GRM8: variants seen among roughly 807,000 people sequenced by gnomAD.
GRM8 encodes the protein glutamate metabotropic receptor 8.
A neutral mutation model predicts 87.2 loss-of-function variants in GRM8; 47 were observed. That is an observed-to-expected ratio of 0.54 (90% CI 0.43 to 0.69). GRM8 has a LOEUF of 0.69. Ranked by LOEUF, GRM8 falls within the 30% of genes least tolerant of loss-of-function variation. The pLI, the probability that GRM8 is intolerant of heterozygous loss-of-function variation, is 0.00. For missense variants in GRM8, 1,019 were observed against 1,139.2 expected (o/e 0.89, Z 1.52); for synonymous variants, 396 against 404.5 (o/e 0.98, Z 0.25).
intron 7 of GRM8, among the ~76,000 whole-genome samples, chr7:126,620,537 G>T (rs1447456791): frequency 6.6e-6 from 1 of 151,706 alleles, no homozygotes; most frequent in Non-Finnish European, 1.5e-5. Flanking sequence ...TGGCTCTTTT[G>T]AATATTGCGC....
chr7:126,545,019 AC>A (rs1265795442), intron 8 of GRM8, among the ~76,000 whole-genome samples: 1 of 152,208 alleles, frequency 6.6e-6, no homozygotes, highest in Non-Finnish European at 1.5e-5. Context: ...TTATCGTCCG[AC>A]AATCTCAGCT....
intron 6 of GRM8, among the ~76,000 whole-genome samples, chr7:126,894,350 T>C (rs542335027): frequency 6.6e-6 from 1 of 152,064 alleles, no homozygotes; most frequent in Non-Finnish European, 1.5e-5. Context: ...TTTCCATTTG[T>C]GAGTTCTTCA....
intron 3 of GRM8, among the ~76,000 whole-genome samples, chr7:127,022,922 CAT>C (rs979977804): frequency 5.9e-5 from 9 of 152,026 alleles, no homozygotes; most frequent in African/African-American, 1.9e-4. Context: ...ATTATGAGAA[CAT>C]GTTTTTAAAT....
Position 126,769,965 on chromosome 7 carries a change from C to T in GRM8, c.1257G>A (p.Met419Ile). Reference sequence around the variant, plus strand: ...TGTATCCAGGGCAGAGATCTTTGTGCATATTGTGCAGGGCGTAAGCCATGG... The same window carrying T: ...TGTATCCAGGGCAGAGATCTTTGTGTATATTGTGCAGGGCGTAAGCCATGG... ...VYSMAYALHN[M>I]HKDLCPGYIG... The change falls in exon 7 of 11, where the codon ATG (methionine) becomes ATA (isoleucine). Residue 419 changes from methionine (M) to isoleucine (I), a missense_variant. Met to Ile is a conservative substitution (Grantham distance 10). Transcript: ENST00000339582. 6.2e-7 allele frequency: 1 copy of T among 1,611,880 alleles called. No homozygotes were observed. Among genetic ancestry groups the T allele is most frequent in the African/African-American group, 1.3e-5 (1 of 74,980 alleles).
At chr7:127,044,535 T>C (rs555011566) in intron 3 of GRM8, among the ~76,000 whole-genome samples, 1 of 152,234 alleles carries the variant, frequency 6.6e-6, no homozygotes, top group African/African-American at 2.4e-5. Context: ...TGTTTCTCAG[T>C]AGGTACTCTT....
At position 126,828,940 on chromosome 7, in the gene GRM8, T is replaced by C. The variant is rs577335418; in HGVS notation, c.1157-58875A>G. On this transcript the variant is annotated intron_variant, in intron 6 of 10. Coordinates refer to ENST00000339582, the MANE Select transcript of GRM8 (RefSeq NM_000845.3). ...TGGTTTCAAAGAACATCTTTATTTC[T>C]GCCTTCATTTCGTTATGTACCCAGT... Among the ~76,000 whole-genome samples the C allele has an allele frequency of 9.8e-5, 15 of 152,342 alleles. No homozygotes were observed. The East Asian group carries it at 2.5e-3, about 25-fold the overall frequency.
chr7:127,203,053 A>G (rs919632198), intron 2 of GRM8, among the ~76,000 whole-genome samples: 2 of 152,230 alleles, frequency 1.3e-5, no homozygotes, highest in Admixed American at 6.5e-5. Context: ...AGTTTTCACC[A>G]TGAATTATGT....
intron 6 of GRM8, among the ~76,000 whole-genome samples, chr7:126,832,302 T>C (rs1198128188): frequency 6.6e-6 from 1 of 152,198 alleles, no homozygotes; most frequent in Non-Finnish European, 1.5e-5. Flanking sequence ...ATGATGGTTT[T>C]ATGATATCAA....
intron 3 of GRM8, among the ~76,000 whole-genome samples, chr7:127,039,566 G>A (rs1264214420): frequency 1.3e-5 from 2 of 150,044 alleles, no homozygotes; most frequent in African/African-American, 4.9e-5. Flanking sequence ...AGCCTGTGGA[G>A]GGTGGGAAAA....
chr7:126,826,261 G>T (rs1334255394), intron 6 of GRM8, among the ~76,000 whole-genome samples: 1 of 152,090 alleles, frequency 6.6e-6, no homozygotes, highest in African/African-American at 2.4e-5. Context: ...GGGTCAAATG[G>T]TATTTCTAGT....
intron 2 of GRM8, among the ~76,000 whole-genome samples, chr7:127,155,900 A>C (rs999423312): frequency 6.6e-6 from 1 of 152,172 alleles, no homozygotes; most frequent in Non-Finnish European, 1.5e-5. Context: ...CATGGAAAAC[A>C]ACAGAAGGCT....
chr7:126,825,377 C>T (rs187656159), intron 6 of GRM8, among the ~76,000 whole-genome samples: 49 of 152,238 alleles, frequency 3.2e-4, no homozygotes, highest in African/African-American at 1.0e-3. Flanking sequence ...CAAACATATA[C>T]TTCTTTAAAA....
chr7:126,544,666 C>T (rs951390002), intron 8 of GRM8, among the ~76,000 whole-genome samples: 7 of 151,998 alleles, frequency 4.6e-5, no homozygotes, highest in African/African-American at 1.5e-4. Flanking sequence ...CACGCCACCA[C>T]GCCCTGCTAA....
rs1013333785 is a variant in GRM8, at chr7:126,773,738, G to A, written c.1157-3673C>T. Among the ~76,000 whole-genome samples, 13 of 152,062 alleles carry A rather than the reference G, an allele frequency of 8.5e-5. No individual in the cohort carries two copies. In the South Asian group the frequency reaches 2.1e-3, roughly 24 times the overall value. ...CAGCCTGGTGTGGTGGCTCACAGCT[G>A]TAATCCCAACATTTCGAAAGGCTGA... On this transcript the variant is annotated intron_variant, in intron 6 of 10. Transcript: ENST00000339582.
chr7:126,696,001 G>A lies in GRM8; in HGVS notation c.1357+73864C>T, dbSNP rs371315652. Among the ~76,000 whole-genome samples, 7 of 152,236 alleles carry A rather than the reference G, an allele frequency of 4.6e-5. No individual in the cohort carries two copies. The East Asian group carries it at 1.4e-3, about 29-fold the overall frequency. Reference sequence around the variant, plus strand: ...TGGAGAGACAGGGATAAAGAAAAGGGTGAAGGCAACCCAGCTTTCTGGCTT... The same window carrying A: ...TGGAGAGACAGGGATAAAGAAAAGGATGAAGGCAACCCAGCTTTCTGGCTT... On this transcript the variant is annotated intron_variant, in intron 7 of 10. Coordinates refer to ENST00000339582, the MANE Select transcript of GRM8 (RefSeq NM_000845.3).
At chr7:127,121,831 C>T (rs1332363647) in intron 2 of GRM8, among the ~76,000 whole-genome samples, 1 of 152,152 alleles carries the variant, frequency 6.6e-6, no homozygotes, top group Non-Finnish European at 1.5e-5. Context: ...GATCCACTCA[C>T]CTCCTACCAG....
At chr7:126,624,243 T>C (rs2151151314) in intron 7 of GRM8, among the ~76,000 whole-genome samples, 1 of 152,296 alleles carries the variant, frequency 6.6e-6, no homozygotes, top group Non-Finnish European at 1.5e-5. Context: ...GGCCTTTAAG[T>C]CTCTTATTTA....
At chr7:127,212,644 C>T (rs1353590836) in intron 2 of GRM8, among the ~76,000 whole-genome samples, 4 of 152,014 alleles carry the variant, frequency 2.6e-5, no homozygotes, top group Non-Finnish European at 2.9e-5. Flanking sequence ...GTCTCGATCT[C>T]CTGACCTCGT....
At chr7:126,794,386 C>T (rs1289356650) in intron 6 of GRM8, among the ~76,000 whole-genome samples, 1 of 151,996 alleles carries the variant, frequency 6.6e-6, no homozygotes, top group African/African-American at 2.4e-5. Flanking sequence ...GATTAGAGTC[C>T]TCAGAAAAAT....
Sources: allele counts gnomAD v4.1 joint callset (sites outside exome capture counted in the v4.1 genomes callset), GRCh38; gene constraint gnomAD v4.1.1; transcripts MANE v1.5; gene names NCBI Gene and HGNC (gene_info 2026-07-23, HGNC 2026-07-21).